MPPED1: variants seen among roughly 807,000 people sequenced by gnomAD.
MPPED1 encodes the protein metallophosphoesterase domain-containing protein 1.
In MPPED1, 16 loss-of-function variants were observed where a neutral mutation model predicts 36.2. That is an observed-to-expected ratio of 0.44 (90% CI 0.30 to 0.67). MPPED1 has a LOEUF of 0.67. Ranked by LOEUF, MPPED1 falls within the 30% of genes least tolerant of loss-of-function variation. The pLI is 0.10. For missense variants in MPPED1, 307 were observed against 453.4 expected (o/e 0.68, Z 2.93); for synonymous variants, 199 against 191.3 (o/e 1.04, Z -0.33).
In MPPED1 at chr22:43,502,422, C is replaced by G. The variant is rs1008721808; in HGVS notation, c.749-222C>G. Among the ~76,000 whole-genome samples, 1 of 152,180 alleles carries G rather than the reference C, an allele frequency of 6.6e-6. No individual in the cohort carries two copies. Among genetic ancestry groups the G allele is most frequent in the Admixed American group, 6.5e-5 (1 of 15,284 alleles). ...CTTTCAAGGAGGCCCTCAGTGCAGC[C>G]CTATGGAGGAGGAGGGTGAGGCTGC... On this transcript the variant is annotated intron_variant, in intron 5 of 6. Coordinates refer to ENST00000443721, the MANE Select transcript of MPPED1 (RefSeq NM_001044370.2). This position sits in a 1 kb window ranked among gnomAD's most constrained non-coding sequence, Gnocchi z 5.5.
At chr22:43,492,781 C>T (rs1356573551) in intron 4 of MPPED1, among the ~76,000 whole-genome samples, 1 of 152,082 alleles carries the variant, frequency 6.6e-6, no homozygotes, top group African/African-American at 2.4e-5. Flanking sequence ...TTCCTCAAGG[C>T]CCAGAGCTTG....
At chr22:43,413,643 C>T (rs980961332) in intron 1 of MPPED1, among the ~76,000 whole-genome samples, 3 of 152,206 alleles carry the variant, frequency 2.0e-5, no homozygotes, top group African/African-American at 7.2e-5. Flanking sequence ...GTGGGAACCA[C>T]GCATGATAAA....
Position 43,442,530 on chromosome 22 carries a change from G to A in MPPED1, c.406+7315G>A, listed in dbSNP as rs1466052930. Reference sequence around the variant, plus strand: ...CCTGTGCGGGGCTGCTCCTGCCTCCGGGAGGTGGAGCTGTTCTCTATGCAT... The same window carrying A: ...CCTGTGCGGGGCTGCTCCTGCCTCCAGGAGGTGGAGCTGTTCTCTATGCAT... On this transcript the variant is annotated intron_variant, in intron 3 of 6. Coordinates refer to ENST00000443721, the MANE Select transcript of MPPED1 (RefSeq NM_001044370.2). Among the ~76,000 whole-genome samples the A allele has an allele frequency of 2.0e-5, 3 of 152,198 alleles. 1 individual carries two copies. Among genetic ancestry groups the A allele is most frequent in the African/African-American group, 4.8e-5 (2 of 41,456 alleles).
chr22:43,418,207 G>A (rs146581441), intron 1 of MPPED1: 12 of 455,384 alleles, frequency 2.6e-5, no homozygotes, highest in East Asian at 2.1e-4. Context: ...TTCGAGAGCC[G>A]GAGAGGATGC....
At chr22:43,425,240 G>T (rs781347473) in intron 2 of MPPED1, 31 bp downstream of exon 2, 4 of 1,555,108 alleles carry the variant, frequency 2.6e-6, no homozygotes, top group South Asian at 1.2e-5. Context: ...GGGGGTGGGG[G>T]CGGTGACGGC....
rs1405930624 is a variant in MPPED1 at position 43,498,081 on chromosome 22, T to C, written c.633-154T>C. 2.6e-5 allele frequency among the ~76,000 whole-genome samples: 4 copies of C among 151,742 alleles called. No homozygotes were observed. The East Asian group carries it at 7.7e-4, about 29-fold the overall frequency. On this transcript the variant is annotated intron_variant, in intron 4 of 6. Transcript: ENST00000443721. ...GACCGCCAGTGGGTCAAAGTCCTGG[T>C]GAGTCCCTGCCTTCCCTAGGTGGAG...
At chr22:43,486,775 G>A (rs1014526170) in intron 4 of MPPED1, among the ~76,000 whole-genome samples, 2 of 152,002 alleles carry the variant, frequency 1.3e-5, no homozygotes, top group African/African-American at 4.8e-5. Context: ...CCTTCCTGGG[G>A]GTCCAGATGC....
chr22:43,438,107 A>G (rs135064), intron 3 of MPPED1, among the ~76,000 whole-genome samples: 93,888 of 152,078 alleles, frequency 0.62, 30,349 homozygotes, highest in African/African-American at 0.76. Flanking sequence ...CCCTGAGCAC[A>G]CAGGGCCCCA....
At chr22:43,475,724 G>A (rs1203339887) in intron 4 of MPPED1, among the ~76,000 whole-genome samples, 2 of 138,716 alleles carry the variant, frequency 1.4e-5, no homozygotes, top group African/African-American at 5.4e-5. Context: ...TGGTGATGGT[G>A]ATGATGATGG....
At chr22:43,460,344 G>A (rs1930915086) in intron 3 of MPPED1, among the ~76,000 whole-genome samples, 1 of 140,290 alleles carries the variant, frequency 7.1e-6, no homozygotes, top group Admixed American at 7.3e-5. Flanking sequence ...TGTTTTTTGA[G>A]ACAGGGTCTC....
chr22:43,441,103 C>A (rs1337632488), intron 3 of MPPED1, among the ~76,000 whole-genome samples: 1 of 152,206 alleles, frequency 6.6e-6, no homozygotes, highest in Non-Finnish European at 1.5e-5. Flanking sequence ...ATTGTCTAGT[C>A]TTCTTACAAA....
At chr22:43,485,052 C>T (rs958024964) in intron 4 of MPPED1, among the ~76,000 whole-genome samples, 1 of 152,052 alleles carries the variant, frequency 6.6e-6, no homozygotes, top group East Asian at 1.9e-4. Context: ...CACATACACA[C>T]ACATTCATGT....
chr22:43,420,717 TG>T (rs1475211171), intron 1 of MPPED1, among the ~76,000 whole-genome samples: 1 of 152,230 alleles, frequency 6.6e-6, no homozygotes, highest in Admixed American at 6.5e-5. Context: ...AGACCTTTCT[TG>T]ATCACCCAAT....
At chr22:43,426,919 C>G (rs892386803) in intron 2 of MPPED1, among the ~76,000 whole-genome samples, 5 of 152,230 alleles carry the variant, frequency 3.3e-5, no homozygotes, top group Non-Finnish European at 4.4e-5. Context: ...TCAGGCTTGC[C>G]GCTCCTCGGT....
intron 3 of MPPED1, among the ~76,000 whole-genome samples, chr22:43,465,973 C>T (rs1383453399): frequency 6.6e-6 from 1 of 152,180 alleles, no homozygotes; most frequent in African/African-American, 2.4e-5. Context: ...GAGGTTCCCA[C>T]AAAGTCCTGC....
chr22:43,426,277 G>A (rs1300827248), intron 2 of MPPED1, among the ~76,000 whole-genome samples: 1 of 151,934 alleles, frequency 6.6e-6, no homozygotes, highest in Non-Finnish European at 1.5e-5. Flanking sequence ...TGAGAGCGGA[G>A]GCCATTGTCC....
chr22:43,446,192 T>C (rs753903714), intron 3 of MPPED1, among the ~76,000 whole-genome samples: 4 of 152,208 alleles, frequency 2.6e-5, no homozygotes, highest in Non-Finnish European at 5.9e-5. Context: ...TTTAATGCAT[T>C]TTTAACTCTG....
In MPPED1 at chr22:43,474,850, C is replaced by G; in HGVS notation, c.521C>G (p.Ser174Trp). 6.2e-7 allele frequency: 1 copy of G among 1,614,024 alleles called. No individual in the cohort carries two copies. The highest frequency in any genetic ancestry group is 8.5e-7 in the Non-Finnish European group (1 of 1,179,902). Residue 174 changes from serine (S) to tryptophan (W), a missense_variant, in exon 4 of 7, where the codon TCG becomes TGG. Ser to Trp is a radical substitution (Grantham distance 177). Around this residue, in one of 3 missense-constraint regions of MPPED1, gnomAD observed 132 missense variants for 212.3 expected, o/e 0.62. Coordinates refer to ENST00000443721, the MANE Select transcript of MPPED1 (RefSeq NM_001044370.2). The surrounding 1 kb of genome is among the most constrained non-coding windows in gnomAD (Gnocchi z 5.2). ...KQDFYYFPSV[S>W]KLKPENYENV... ...GACTTTTACTACTTCCCATCTGTGT[C>G]GAAGCTGAAGCCGGAGAACTATGAG...
At chr22:43,412,282 A>T in intron 1 of MPPED1, 124 bp downstream of exon 1, 2 of 579,644 alleles carry the variant, frequency 3.5e-6, no homozygotes, top group Non-Finnish European at 4.3e-6. Context: ...CCGCAAAGTT[A>T]CTTTGGCCGC....
Sources: gnomAD v4.1 joint callset for allele counts (sites outside exome capture counted in the v4.1 genomes callset) on GRCh38, gnomAD v4.1.1 for gene constraint, gnomAD v4.1.1 regional missense constraint, Gnocchi (gnomAD v3.1) non-coding constraint, MANE v1.5 for transcripts, NCBI Gene and HGNC (gene_info 2026-07-23, HGNC 2026-07-21) for gene names.